CYB5R4: variants seen among roughly 807,000 people sequenced by gnomAD.
CYB5R4 encodes N-terminal cytochrome b5 and cytochrome b5 oxidoreductase domain-containing protein.
A neutral mutation model predicts 70.2 loss-of-function variants in CYB5R4; 55 were observed. That is an observed-to-expected ratio of 0.78 (90% confidence interval 0.63 to 0.98). The LOEUF is 0.98. Among genes scored for constraint, CYB5R4 ranks in the 50% least tolerant of loss-of-function variants. The pLI, the probability that CYB5R4 is intolerant of heterozygous loss-of-function variation, is 0.00. For missense variants in CYB5R4, 562 were observed against 612.6 expected (o/e 0.92, Z 0.87); for synonymous variants, 197 against 199.5 (o/e 0.99, Z 0.11).
chr6:83,879,866 A>C (rs1467003435), intron 2 of CYB5R4, among the ~76,000 whole-genome samples: 1 of 152,100 alleles, frequency 6.6e-6, no homozygotes, highest in East Asian at 1.9e-4. Context: ...TTAAAATTTC[A>C]GTTGTTTTGT....
intron 2 of CYB5R4, among the ~76,000 whole-genome samples, chr6:83,876,661 A>T (rs2129130479): frequency 6.6e-6 from 1 of 152,008 alleles, no homozygotes; most frequent in East Asian, 1.9e-4. Context: ...TATTCATTTT[A>T]CTTCTATATA....
At chr6:83,924,256 G>C (rs1168220496) in intron 9 of CYB5R4, among the ~76,000 whole-genome samples, 1 of 149,622 alleles carries the variant, frequency 6.7e-6, no homozygotes, top group Non-Finnish European at 1.5e-5. Flanking sequence ...TAGTTTGAAA[G>C]AACTTAATCT....
At chr6:83,953,407 G>A (rs548603171) in intron 14 of CYB5R4, among the ~76,000 whole-genome samples, 1 of 151,534 alleles carries the variant, frequency 6.6e-6, no homozygotes, top group South Asian at 2.1e-4. Flanking sequence ...AGTTTTGTGA[G>A]ATTTTTTTCC....
chr6:83,927,423 T>C (rs1034303184), intron 10 of CYB5R4, among the ~76,000 whole-genome samples: 2 of 152,176 alleles, frequency 1.3e-5, no homozygotes, highest in Non-Finnish European at 2.9e-5. Context: ...CTACTTCACA[T>C]GCCAGTTGCA....
intron 14 of CYB5R4, among the ~76,000 whole-genome samples, chr6:83,941,743 G>A (rs6454348): frequency 0.2 from 30,929 of 152,024 alleles, 6,822 homozygotes; most frequent in African/African-American, 0.54. Flanking sequence ...TAAAAACATA[G>A]ACCTAAGAAC....
intron 14 of CYB5R4, among the ~76,000 whole-genome samples, chr6:83,950,790 C>CA (rs1429931616): frequency 6.6e-6 from 1 of 152,022 alleles, no homozygotes; most frequent in Non-Finnish European, 1.5e-5. Flanking sequence ...CAATTATTAA[C>CA]ATTATGGTCT....
intron 1 of CYB5R4, among the ~76,000 whole-genome samples, chr6:83,862,078 T>G (rs1280071675): frequency 1.3e-5 from 2 of 152,242 alleles, no homozygotes; most frequent in African/African-American, 4.8e-5. Flanking sequence ...TTAATCTCTT[T>G]GAGTCTGTTT....
intron 3 of CYB5R4, among the ~76,000 whole-genome samples, chr6:83,902,377 A>T (rs1422611398): frequency 1.3e-5 from 2 of 152,048 alleles, no homozygotes; most frequent in Admixed American, 1.3e-4. Flanking sequence ...CTGTTGGTTT[A>T]TATGTCTAGT....
intron 14 of CYB5R4, among the ~76,000 whole-genome samples, chr6:83,953,914 G>A (rs977372402): frequency 7.9e-5 from 12 of 152,110 alleles, no homozygotes; most frequent in South Asian, 4.1e-4. Flanking sequence ...TTAGATTGAC[G>A]TTTGAGATCA....
chr6:83,912,774 C>T (rs1161067138), intron 4 of CYB5R4, among the ~76,000 whole-genome samples: 1 of 152,164 alleles, frequency 6.6e-6, no homozygotes, highest in Admixed American at 6.5e-5. Flanking sequence ...ATTTCTGTAA[C>T]TCAGTTTTTG....
chr6:83,934,762 C>T (rs1391579233), intron 11 of CYB5R4, 27 bp downstream of exon 11: 1 of 1,586,982 alleles, frequency 6.3e-7, no homozygotes, highest in Non-Finnish European at 8.6e-7. Context: ...CTTTGGGACA[C>T]AATTTATTCT....
In CYB5R4 at chr6:83,890,736, C is replaced by T. The variant is rs893299849; in HGVS notation, c.230-2786C>T. Among the ~76,000 whole-genome samples the T allele has an allele frequency of 6.6e-5, 10 of 152,120 alleles. No individual in the cohort carries two copies. The East Asian group carries it at 7.7e-4, about 12-fold the overall frequency. ...TCAACTTATTTTAAGAAATTGTCAC[C>T]GCCACCTCAGCCTTAAGCACCCAAC... is the stretch of plus-strand genomic sequence containing the variant. On this transcript the variant is annotated intron_variant, in intron 2 of 15. Transcript: ENST00000369681.
At position 83,916,867 on chromosome 6, in the gene CYB5R4, T is replaced by C. The variant is rs558275058; in HGVS notation, c.446-1138T>C. Among the ~76,000 whole-genome samples the C allele has an allele frequency of 1.9e-4, 29 of 152,332 alleles. 1 individual carries two copies. The East Asian group carries it at 5.4e-3, about 28-fold the overall frequency. ...ACTCTTAAATTTATATCAAATACTT[T>C]GATTTCTAATTTGGGCACCCAAGAC... On this transcript the variant is annotated intron_variant, in intron 5 of 15. Transcript: ENST00000369681.
intron 2 of CYB5R4, among the ~76,000 whole-genome samples, chr6:83,877,076 C>T (rs80292093): frequency 3.3e-5 from 5 of 152,278 alleles, no homozygotes; most frequent in South Asian, 4.1e-4. Context: ...GTGATCCACC[C>T]GCCTCGGCCT....
At chr6:83,954,143 A>T (rs1192241724) in intron 14 of CYB5R4, among the ~76,000 whole-genome samples, 1 of 152,164 alleles carries the variant, frequency 6.6e-6, no homozygotes, top group Non-Finnish European at 1.5e-5. Flanking sequence ...GTTAACCTTC[A>T]TTCAGAAAAC....
At chr6:83,956,040 G>C (rs568153775) in intron 15 of CYB5R4, among the ~76,000 whole-genome samples, 58 of 152,248 alleles carry the variant, frequency 3.8e-4, no homozygotes, top group African/African-American at 1.3e-3. Context: ...AAAATATTTG[G>C]TTAAATATAG....
At chr6:83,927,754 C>T (rs528521601) in intron 10 of CYB5R4, among the ~76,000 whole-genome samples, 3 of 151,610 alleles carry the variant, frequency 2.0e-5, no homozygotes, top group South Asian at 2.1e-4. Context: ...GGCTTTATTA[C>T]GTAGGTGTGA....
intron 14 of CYB5R4, among the ~76,000 whole-genome samples, chr6:83,948,501 T>G (rs961388679): frequency 2.6e-5 from 4 of 152,202 alleles, no homozygotes; most frequent in African/African-American, 9.7e-5. Context: ...TCCCAGAACT[T>G]AAAGTATAAT....
At chr6:83,905,694 G>A (rs1052683499) in intron 3 of CYB5R4, among the ~76,000 whole-genome samples, 3 of 152,030 alleles carry the variant, frequency 2.0e-5, no homozygotes, top group African/African-American at 7.2e-5. Context: ...GCTGATTCTT[G>A]GGCCTCTTGG....
Sources: gnomAD v4.1 joint callset for allele counts (sites outside exome capture counted in the v4.1 genomes callset) on GRCh38, gnomAD v4.1.1 for gene constraint, MANE v1.5 for transcripts, NCBI Gene and HGNC (gene_info 2026-07-23, HGNC 2026-07-21) for gene names.